The following UBTD1 variants were observed in gnomAD, a reference collection of about 807,000 sequenced individuals.
UBTD1 encodes the protein ubiquitin domain-containing protein 1.
UBTD1 carries 19 observed loss-of-function variants against 21.7 expected under a neutral mutation model. The ratio of observed to expected loss-of-function variants is 0.87; its 90% CI spans 0.61 to 1.28. UBTD1 has a LOEUF of 1.28. Ranked by LOEUF, UBTD1 falls within the 50% of genes most tolerant of loss-of-function variation. The pLI is 0.00. For synonymous variants in UBTD1, 116 were observed against 135.1 expected (o/e 0.86, Z 0.98); for missense variants, 282 against 315.1 (o/e 0.89, Z 0.80).
chr10:97,507,898 C>T (rs1471044147), intron 1 of UBTD1, among the ~76,000 whole-genome samples: 6 of 151,866 alleles, frequency 4.0e-5, no homozygotes, highest in African/African-American at 1.5e-4. Flanking sequence ...TATGTTTTTC[C>T]TCTGGAAGTC....
At chr10:97,535,968 A>AATTATTATTATTATTATTATTGTTATT (rs780853034) in intron 1 of UBTD1, among the ~76,000 whole-genome samples, 1,940 of 90,134 alleles carry the variant, frequency 0.022, 42 homozygotes, top group African/African-American at 0.058. Context: ...GTTGGAGAGA[A>AATTATTATTATTATTATTATTGTTATT]ATTATTATTA....
Position 97,540,202 on chromosome 10 carries a change from T to G in UBTD1, c.71-27712T>G, listed in dbSNP as rs368870388. ...TTTTTTGTGGGTTTTTGCTTTATAT[T>G]TCACAGGAACTTCAAATAACTCAGC... On this transcript the variant is annotated intron_variant, in intron 1 of 2. Coordinates refer to ENST00000370664, the MANE Select transcript of UBTD1 (RefSeq NM_024954.5). Among the ~76,000 whole-genome samples the G allele has an allele frequency of 9.8e-5, 15 of 152,368 alleles. No individual in the cohort carries two copies. The East Asian group carries it at 1.3e-3, about 14-fold the overall frequency.
chr10:97,519,110 T>C lies in UBTD1; in HGVS notation c.70+19837T>C, dbSNP rs142962319. Reference sequence around the variant, plus strand: ...TGGGCCAGGCATCTCCGGAGCCCACTTGAACTTCAAGTTTTCGTTTTCTCT... The same window carrying C: ...TGGGCCAGGCATCTCCGGAGCCCACCTGAACTTCAAGTTTTCGTTTTCTCT... On this transcript the variant is annotated intron_variant, in intron 1 of 2. Transcript: ENST00000370664. Among the ~76,000 whole-genome samples the C allele has an allele frequency of 1.7e-3, 263 of 152,334 alleles. 1 individual carries two copies. The highest frequency in any genetic ancestry group is 6.1e-3 in the African/African-American group (254 of 41,580).
chr10:97,514,132 C>T (rs2040433526), intron 1 of UBTD1, among the ~76,000 whole-genome samples: 1 of 151,488 alleles, frequency 6.6e-6, no homozygotes, highest in Admixed American at 6.6e-5. Context: ...GCTTCTTGCT[C>T]AAGGGGTGCA....
intron 1 of UBTD1, among the ~76,000 whole-genome samples, chr10:97,561,288 C>T (rs1016155037): frequency 2.0e-5 from 3 of 152,056 alleles, no homozygotes; most frequent in African/African-American, 7.2e-5. Context: ...CTCAGCCGTC[C>T]GTGAGTTACC....
chr10:97,519,315 G>A (rs1385068158), intron 1 of UBTD1, among the ~76,000 whole-genome samples: 4 of 152,134 alleles, frequency 2.6e-5, no homozygotes, highest in Non-Finnish European at 4.4e-5. Context: ...ATAGTCTTCC[G>A]TAAAGCTTTA....
intron 1 of UBTD1, among the ~76,000 whole-genome samples, chr10:97,501,095 G>A (rs1323241908): frequency 2.0e-5 from 3 of 152,026 alleles, no homozygotes; most frequent in Non-Finnish European, 2.9e-5. Flanking sequence ...TTCCTTCCGC[G>A]GGACTTGCAA....
intron 1 of UBTD1, among the ~76,000 whole-genome samples, chr10:97,547,772 C>T (rs2040618161): frequency 6.6e-6 from 1 of 152,166 alleles, no homozygotes. Flanking sequence ...ACCATGTTGG[C>T]CAGGCTGGTT....
chr10:97,534,902 C>G (rs1235847623), intron 1 of UBTD1, among the ~76,000 whole-genome samples: 1 of 152,182 alleles, frequency 6.6e-6, no homozygotes, highest in African/African-American at 2.4e-5. Context: ...TGCCCGCCTC[C>G]CCACCAAGCG....
At chr10:97,524,962 C>G (rs902523147) in intron 1 of UBTD1, among the ~76,000 whole-genome samples, 1 of 152,160 alleles carries the variant, frequency 6.6e-6, no homozygotes, top group Non-Finnish European at 1.5e-5. Flanking sequence ...AAATGTCTGC[C>G]TGGGCTGTTG....
chr10:97,530,488 C>T (rs2040523955), intron 1 of UBTD1, among the ~76,000 whole-genome samples: 1 of 152,152 alleles, frequency 6.6e-6, no homozygotes, highest in Non-Finnish European at 1.5e-5. Flanking sequence ...CATATTTGCT[C>T]AATAAATATT....
chr10:97,505,610 C>T (rs903109531), intron 1 of UBTD1, among the ~76,000 whole-genome samples: 3 of 152,242 alleles, frequency 2.0e-5, no homozygotes, highest in Middle Eastern at 3.2e-3. Flanking sequence ...CACAGAGTTT[C>T]ATCTGGCATT....
intron 1 of UBTD1, among the ~76,000 whole-genome samples, chr10:97,553,681 G>A (rs10748700): frequency 1.3e-5 from 2 of 151,890 alleles, no homozygotes; most frequent in African/African-American, 4.8e-5. Context: ...GAGGTGCTGC[G>A]GCTGCCCTCT....
chr10:97,527,223 T>G (rs2040493571), intron 1 of UBTD1, among the ~76,000 whole-genome samples: 2 of 146,918 alleles, frequency 1.4e-5, no homozygotes, highest in Non-Finnish European at 3.0e-5. Flanking sequence ...CGGTGGCTTA[T>G]GCCTATAATC....
At chr10:97,567,642 A>G (rs947602590) in intron 1 of UBTD1, among the ~76,000 whole-genome samples, 4 of 151,964 alleles carry the variant, frequency 2.6e-5, no homozygotes, top group African/African-American at 9.7e-5. Flanking sequence ...CTGGGCAACA[A>G]GAGTGAAACT....
chr10:97,561,410 C>T (rs1021768479), intron 1 of UBTD1, among the ~76,000 whole-genome samples: 1 of 152,162 alleles, frequency 6.6e-6, no homozygotes, highest in African/African-American at 2.4e-5. Flanking sequence ...CATCTGCAAG[C>T]TACTGCCTTA....
chr10:97,553,844 G>A (rs2040651881), intron 1 of UBTD1, among the ~76,000 whole-genome samples: 5 of 152,312 alleles, frequency 3.3e-5, no homozygotes, highest in Admixed American at 1.3e-4. Context: ...GTTTGTCACC[G>A]CTGTATCCTG....
intron 1 of UBTD1, among the ~76,000 whole-genome samples, chr10:97,506,222 G>A (rs2040399092): frequency 6.6e-6 from 1 of 152,230 alleles, no homozygotes; most frequent in African/African-American, 2.4e-5. Context: ...GTTCCAAGTA[G>A]CAACACTGGC....
chr10:97,517,638 A>G (rs2135661999), intron 1 of UBTD1, among the ~76,000 whole-genome samples: 1 of 152,180 alleles, frequency 6.6e-6, no homozygotes, highest in Non-Finnish European at 1.5e-5. Flanking sequence ...CCTCTGCGGG[A>G]TCAGGGAGGC....
Sources: allele counts gnomAD v4.1 joint callset (sites outside exome capture counted in the v4.1 genomes callset), GRCh38; gene constraint gnomAD v4.1.1; transcripts MANE v1.5; gene names NCBI Gene and HGNC (gene_info 2026-07-23, HGNC 2026-07-21).